Variants in SVIL observed in about 807,000 individuals in gnomAD.
SVIL encodes the protein archvillin.
A neutral mutation model predicts 240.4 loss-of-function variants in SVIL; 101 were observed. The observed-to-expected ratio is 0.42, with a 90% confidence interval of 0.36 to 0.50. The LOEUF (loss-of-function observed/expected upper bound fraction) is 0.50. Among genes scored for constraint, SVIL ranks in the 20% least tolerant of loss-of-function variants. SVIL has a pLI of 0.01. For missense variants in SVIL, 2,512 were observed against 2,818.7 expected (o/e 0.89, Z 2.46); for synonymous variants, 999 against 1,100.0 (o/e 0.91, Z 1.82).
chr10:29,678,141 G>A (rs1188369988), intron 2 of SVIL, among the ~76,000 whole-genome samples: 1 of 152,028 alleles, frequency 6.6e-6, no homozygotes, highest in Non-Finnish European at 1.5e-5. Flanking sequence ...GGTTGAGGGG[G>A]ATGGTTTCAG....
rs1313931291 is a variant in SVIL at position 29,604,370 on chromosome 10, T to A, written c.-201+30050A>T. On this transcript the variant is annotated intron_variant, in intron 1 of 37. Coordinates refer to ENST00000355867, the MANE Select transcript of SVIL (RefSeq NM_021738.3). ...ATGTGCCACCATGTCTGGCTTTTTTTTTTTTTTTTTTTTTTTTTTTTGGTA... is the reference window on the plus strand; with the variant it reads ...ATGTGCCACCATGTCTGGCTTTTTTATTTTTTTTTTTTTTTTTTTTTGGTA... Among the ~76,000 whole-genome samples, 125 of 135,048 alleles carry A rather than the reference T, an allele frequency of 9.3e-4. 2 individuals are homozygous for A. The South Asian group carries it at 0.03, about 32-fold the overall frequency. The allele number at this position is 135,048 out of a possible 152,430, so 88.6% of individuals were successfully genotyped here.
chr10:29,642,961 C>G (rs1248230877), intron 3 of SVIL, among the ~76,000 whole-genome samples: 2 of 152,212 alleles, frequency 1.3e-5, no homozygotes, highest in African/African-American at 4.8e-5. Flanking sequence ...GCTGGGATTA[C>G]AGGCGTGAGC....
rs1037196068 is a variant in SVIL at position 29,714,515 on chromosome 10, C to T, written c.-400+21236G>A. Among the ~76,000 whole-genome samples, 3 of 152,272 alleles carry T rather than the reference C, an allele frequency of 2.0e-5. No individual in the cohort carries two copies. In the East Asian group the frequency reaches 5.8e-4, roughly 29 times the overall value. ...AACTTTTTTAGGATTCTAGACTATA[C>T]TATTCAGTGTTACTAAAGCACACTT... On this transcript the variant is annotated intron_variant, in intron 1 of 35. Transcript: ENST00000375400.
At chr10:29,579,172 T>C (rs1051519424) in intron 1 of SVIL, among the ~76,000 whole-genome samples, 10 of 152,198 alleles carry the variant, frequency 6.6e-5, no homozygotes, top group African/African-American at 2.4e-4. Context: ...GCACAGTGGC[T>C]CACGCCTGTA....
Position 29,697,283 on chromosome 10 carries a change from C to A in SVIL, c.-399-10632G>T, listed in dbSNP as rs1466066544. On this transcript the variant is annotated intron_variant, in intron 1 of 35. Transcript: ENST00000375400. ...CGCCCCTACTGGGAAGTGAGGAGCC[C>A]CTCTGCCCGGCCACCACCCCGTCTG... Among the ~76,000 whole-genome samples, 82 of 79,840 alleles carry A rather than the reference C, an allele frequency of 1.0e-3. 4 individuals are homozygous for A. The highest frequency in any genetic ancestry group is 8.5e-4 in the Non-Finnish European group (34 of 40,212). The allele number at this position is 79,840 out of a possible 152,430, so 52.4% of individuals were successfully genotyped here. A position where few individuals can be genotyped will look rare whatever the true frequency, so the allele number is the denominator to read the frequency against.
chr10:29,627,335 T>C (rs1380683285), intron 1 of SVIL, among the ~76,000 whole-genome samples: 1 of 152,120 alleles, frequency 6.6e-6, no homozygotes, highest in Non-Finnish European at 1.5e-5. Context: ...GTCTTAAAAA[T>C]CCTCTAGTCC....
At position 29,462,377 on chromosome 10, in the gene SVIL, G is replaced by A; in HGVS notation, c.6302C>T (p.Pro2101Leu). ...ACCAGCGTGGATAAGGTAAGACTTGGGGGCTGGTTTCTTGAGATTTTTTCC... is the reference window on the plus strand; with the variant it reads ...ACCAGCGTGGATAAGGTAAGACTTGAGGGCTGGTTTCTTGAGATTTTTTCC... The part of the protein sequence containing the change: ...CKGKNLKKPA[P>L]KSYLIHAGLE... Residue 2101 changes from proline to leucine, a missense_variant, in exon 36 of 38, where the codon CCC becomes CTC. This residue lies in a region of SVIL where 797 missense variants were observed against 925.3 expected (regional missense o/e 0.86). Transcript: ENST00000355867. 6.2e-7 allele frequency: 1 copy of A among 1,614,156 alleles called. No individual in the cohort carries two copies. Among genetic ancestry groups the A allele is most frequent in the Non-Finnish European group, 8.5e-7 (1 of 1,180,018 alleles).
Position 29,499,163 on chromosome 10 carries a change from G to T in SVIL, c.3617C>A (p.Ala1206Asp). The T allele has an allele frequency of 6.2e-7, 1 of 1,614,048 alleles. No homozygotes were observed. Among genetic ancestry groups the T allele is most frequent in the South Asian group, 1.1e-5 (1 of 91,064 alleles). The part of the protein sequence containing the change: ...EAWKTRGRGA[A>D]NDSTQFTVAG... The stretch of plus-strand genomic sequence containing the variant: ...CACAGTGAACTGGGTCGAGTCGTTG[G>T]CCGCTCCTCTGCCTCTCGTCTTCCA... The change falls in exon 18 of 38, where the codon GCC (alanine) becomes GAC (aspartate). Residue 1206 changes from alanine (A) to aspartate (D), a missense_variant. Ala to Asp is a moderately radical substitution (Grantham distance 126, BLOSUM62 -2). Around this residue, in one of 3 missense-constraint regions of SVIL, gnomAD observed 272 missense variants for 406.8 expected, o/e 0.67. Transcript: ENST00000355867.
chr10:29,494,682 T>C (rs1252220284), intron 20 of SVIL, among the ~76,000 whole-genome samples: 3 of 152,216 alleles, frequency 2.0e-5, no homozygotes, highest in Admixed American at 1.3e-4. Flanking sequence ...TTCAGAGTTA[T>C]AAGCAAAATC....
At chr10:29,592,962 TA>T (rs1589342807) in intron 1 of SVIL, among the ~76,000 whole-genome samples, 1 of 152,224 alleles carries the variant, frequency 6.6e-6, no homozygotes, top group East Asian at 1.9e-4. Context: ...TCTAAAATTC[TA>T]ATTTATTAAA....
At chr10:29,592,094 TACAA>T (rs1473402990) in intron 1 of SVIL, among the ~76,000 whole-genome samples, 3 of 152,102 alleles carry the variant, frequency 2.0e-5, no homozygotes, top group African/African-American at 7.2e-5. Flanking sequence ...CTACTAAGAA[TACAA>T]ACAATTAGCC....
chr10:29,526,920 C>T (rs747372589), intron 13 of SVIL, 41 bp downstream of exon 13: 2 of 1,477,602 alleles, frequency 1.4e-6, no homozygotes, highest in Admixed American at 2.6e-5. Flanking sequence ...TGTTCGGCAC[C>T]TTTGCACCGG....
At chr10:29,562,742 C>T (rs1485594368) in intron 3 of SVIL, among the ~76,000 whole-genome samples, 1 of 126,396 alleles carries the variant, frequency 7.9e-6, no homozygotes, top group East Asian at 2.5e-4. Context: ...GCCTGGGCGA[C>T]AGAGCGAGAC....
At chr10:29,706,723 T>A (rs1483692436) in intron 1 of SVIL, among the ~76,000 whole-genome samples, 1 of 152,214 alleles carries the variant, frequency 6.6e-6, no homozygotes, top group African/African-American at 2.4e-5. Context: ...CATGTCTATG[T>A]CCTGAATGGT....
chr10:29,699,666 G>A (rs1314201992), intron 1 of SVIL, among the ~76,000 whole-genome samples: 9 of 152,146 alleles, frequency 5.9e-5, no homozygotes, highest in South Asian at 2.1e-4. Context: ...TCACAAAGAC[G>A]TTTTGCTTTT....
chr10:29,647,980 A>C (rs1160685097), intron 3 of SVIL, among the ~76,000 whole-genome samples: 27 of 151,540 alleles, frequency 1.8e-4, no homozygotes, highest in African/African-American at 5.3e-4. Context: ...TCAAAAAAAA[A>C]AAAAACAAAA....
At position 29,458,504 on chromosome 10, in the gene SVIL, A is replaced by T. The variant is rs1943831330; in HGVS notation, c.6488T>A (p.Leu2163Gln). The stretch of plus-strand genomic sequence containing the variant: ...GACCCCCTCCGGGAGTGGCCTGGCC[A>T]GGAGGTCGGCCAGCGGGTAAATGGT... Reference protein sequence around the residue: ...CKTIYPLADLLARPLPEGVDP... With the variant: ...CKTIYPLADLQARPLPEGVDP... The change falls in exon 37 of 38, where the codon CTG becomes CAG. Residue 2163 changes from leucine to glutamine, a missense_variant. Transcript: ENST00000355867. 6.3e-7 allele frequency: 1 copy of T among 1,595,928 alleles called. No individual in the cohort carries two copies. Among genetic ancestry groups the T allele is most frequent in the Non-Finnish European group, 8.5e-7 (1 of 1,171,282 alleles).
rs544070864 is a variant in SVIL at position 29,522,075 on chromosome 10, C to T, written c.3389+335G>A. 2.0e-3 allele frequency among the ~76,000 whole-genome samples: 311 copies of T among 151,876 alleles called. 13 individuals carry two copies. In the South Asian group the frequency reaches 0.064, roughly 31 times the overall value. ...AGGGGAAGAGCCAAGATTTCAGCTC[C>T]TGTCATTAGATAGTCCAAGAATTTA... On this transcript the variant is annotated intron_variant, in intron 16 of 37. Coordinates refer to ENST00000355867, the MANE Select transcript of SVIL (RefSeq NM_021738.3).
chr10:29,566,705 C>T (rs1216902783), intron 2 of SVIL, among the ~76,000 whole-genome samples: 1 of 152,178 alleles, frequency 6.6e-6, no homozygotes, highest in Admixed American at 6.5e-5. Flanking sequence ...TGTGAGGGTC[C>T]AGACTCTTCT....
Sources: allele counts gnomAD v4.1 joint callset (sites outside exome capture counted in the v4.1 genomes callset), GRCh38; gene constraint gnomAD v4.1.1; regional missense constraint gnomAD v4.1.1; transcripts MANE v1.5; gene names NCBI Gene and HGNC (gene_info 2026-07-23, HGNC 2026-07-21).